The following TMCO1 variants were observed in gnomAD, a reference collection of about 807,000 sequenced individuals.
The protein encoded by TMCO1 is calcium load-activated calcium channel.
In TMCO1, 29 loss-of-function variants were observed where a neutral mutation model predicts 29.3. The ratio of observed to expected loss-of-function variants is 0.99; its 90% CI spans 0.74 to 1.35. The LOEUF is 1.35. TMCO1 is among the 40% of genes most tolerant of loss of function. TMCO1 has a pLI of 0.00. For synonymous variants in TMCO1, 80 were observed against 77.1 expected, an observed-to-expected ratio of 1.04 and a Z score of -0.20; for missense variants, 173 against 225.5, an observed-to-expected ratio of 0.77 and a Z score of 1.49.
chr1:165,725,006 CTCTCTCTCTCTCTCTCTCTATA>C (rs753517521), downstream of TMCO1: 2,313 of 279,970 alleles, frequency 8.3e-3, 59 homozygotes, highest in African/African-American at 0.075. Flanking sequence ...CTCTCTCTCT[CTCTCTCTCTCTCTCTCTCTATA>C]TATATATATA....
intron 6 of TMCO1, among the ~76,000 whole-genome samples, 188 bp from the exon 7 acceptor site, chr1:165,728,309 T>G (rs1035144554): frequency 1.3e-5 from 2 of 151,194 alleles, no homozygotes; most frequent in Admixed American, 6.6e-5. Context: ...CAGGCTGGAG[T>G]GCAGTGGAGC....
chr1:165,727,228 T>A lies in TMCO1; in HGVS notation c.*795A>T. The stretch of plus-strand genomic sequence containing the variant: ...ATCTAAGAGTGCCCCCACAAGAATC[T>A]GAGAGACTGTAATAGGATATGAAGA... On this transcript the variant is annotated 3_prime_UTR_variant, in exon 7 of 7. Coordinates refer to ENST00000367881, the MANE Select transcript of TMCO1 (RefSeq NM_019026.6). 1 of 453,866 alleles carries A rather than the reference T, an allele frequency of 2.2e-6. No individual in the cohort carries two copies. The highest frequency in any genetic ancestry group is 4.4e-6 in the Non-Finnish European group (1 of 226,724). The allele number at this position is 453,866 out of a possible 1,614,324, so 28.1% of individuals were successfully genotyped here.
chr1:165,728,167 CAGA>C (rs749040101), intron 6 of TMCO1, 46 bp from the exon 7 acceptor site: 3 of 1,479,404 alleles, frequency 2.0e-6, no homozygotes, highest in Admixed American at 3.4e-5. Context: ...ATCAAATATA[CAGA>C]AGATGTGTTT....
At chr1:165,748,870 T>C (rs1162146328) in intron 5 of TMCO1, among the ~76,000 whole-genome samples, 1 of 152,228 alleles carries the variant, frequency 6.6e-6, no homozygotes, top group Non-Finnish European at 1.5e-5. Context: ...TCCTAACTCC[T>C]GGCAACCATT....
rs1430488530 is a variant in TMCO1, at chr1:165,730,166, ACAC to A, written c.469-2048_469-2046del. ...GAAACCCCGTCTGTACTAAAAATAC[ACAC>A]ACACAAAAAAAAAAAAATTAGCCGG... On this transcript the variant is annotated intron_variant, in intron 6 of 6. Transcript: ENST00000367881. Among the ~76,000 whole-genome samples the A allele has an allele frequency of 5.6e-4, 16 of 28,652 alleles. 3 individuals carry two copies. Among genetic ancestry groups the A allele is most frequent in the Admixed American group, 7.2e-4 (2 of 2,768 alleles). 18.8% of individuals were successfully genotyped at this position (28,652 alleles called of 152,430 possible).
At chr1:165,724,588 G>C, downstream of TMCO1, 1 of 454,072 alleles carries the variant, frequency 2.2e-6, no homozygotes, top group Non-Finnish European at 4.4e-6. Context: ...CAGCTCTGGG[G>C]TGGGGCCCAG....
At chr1:165,762,816 CTTAG>C (rs1652442610) in intron 2 of TMCO1, among the ~76,000 whole-genome samples, 1 of 152,136 alleles carries the variant, frequency 6.6e-6, no homozygotes, top group Non-Finnish European at 1.5e-5. Flanking sequence ...GCAATTTATA[CTTAG>C]TAAGTGCTCT....
At chr1:165,766,486 G>A (rs899963242) in intron 2 of TMCO1, among the ~76,000 whole-genome samples, 3 of 152,156 alleles carry the variant, frequency 2.0e-5, no homozygotes, top group Non-Finnish European at 1.5e-5. Context: ...CAAGTAAATT[G>A]CAGAAGAATG....
chr1:165,736,253 A>G (rs1055778433), intron 6 of TMCO1, among the ~76,000 whole-genome samples: 1 of 152,248 alleles, frequency 6.6e-6, no homozygotes, highest in African/African-American at 2.4e-5. Flanking sequence ...TTGTTATAGT[A>G]GCCCTAATGG....
At chr1:165,736,501 C>T (rs1571213056) in intron 6 of TMCO1, among the ~76,000 whole-genome samples, 1 of 152,066 alleles carries the variant, frequency 6.6e-6, no homozygotes, top group Non-Finnish European at 1.5e-5. Flanking sequence ...GTGGATCACC[C>T]GAGGTCAGGT....
At chr1:165,764,440 G>A (rs1652500969) in intron 2 of TMCO1, among the ~76,000 whole-genome samples, 1 of 152,204 alleles carries the variant, frequency 6.6e-6, no homozygotes, top group South Asian at 2.1e-4. Flanking sequence ...GGAGAGGTAT[G>A]TGGATAAATC....
At chr1:165,762,547 A>T (rs1209324764) in intron 2 of TMCO1, among the ~76,000 whole-genome samples, 1 of 152,158 alleles carries the variant, frequency 6.6e-6, no homozygotes, top group African/African-American at 2.4e-5. Context: ...GGATAAATTA[A>T]TCTAATGTTT....
chr1:165,753,833 A>G (rs190184556), intron 4 of TMCO1, among the ~76,000 whole-genome samples: 19 of 152,166 alleles, frequency 1.2e-4, no homozygotes, highest in African/African-American at 4.3e-4. Context: ...AAGAAAAAAG[A>G]ACACAAGACA....
chr1:165,743,782 A>G (rs1651689556), intron 5 of TMCO1, among the ~76,000 whole-genome samples: 1 of 151,904 alleles, frequency 6.6e-6, no homozygotes, highest in Non-Finnish European at 1.5e-5. Context: ...ATATCTTTAT[A>G]TATAAGTTAT....
At chr1:165,758,688 T>G (rs1652286829) in intron 3 of TMCO1, among the ~76,000 whole-genome samples, 2 of 152,320 alleles carry the variant, frequency 1.3e-5, no homozygotes, top group Admixed American at 1.3e-4. Flanking sequence ...ATAGAATCTT[T>G]TTCTACTTTG....
chr1:165,748,692 G>T (rs1651891616), intron 5 of TMCO1, among the ~76,000 whole-genome samples: 1 of 152,224 alleles, frequency 6.6e-6, no homozygotes, highest in African/African-American at 2.4e-5. Context: ...TTGGTTCCAA[G>T]TGAGTTTCAA....
Position 165,763,623 on chromosome 1 carries a change from T to G in TMCO1, c.149-4039A>C, listed in dbSNP as rs549487388. 2.0e-5 allele frequency among the ~76,000 whole-genome samples: 3 copies of G among 152,250 alleles called. 1 individual carries two copies. The South Asian group carries it at 6.2e-4, about 32-fold the overall frequency. On this transcript the variant is annotated intron_variant, in intron 2 of 6. Coordinates refer to ENST00000367881, the MANE Select transcript of TMCO1 (RefSeq NM_019026.6). ...TAAACTGGCAAATGTATTACTTTGT[T>G]TCATTTTTGTTAGAGATTGGGTCTC...
rs536139780 is a variant in TMCO1, at chr1:165,758,682, A to C, written c.208+843T>G. ...CTCTAAATAGAGCTCATAAAAATAG[A>C]ATCTTTTTCTACTTTGTTTCTCCAA... On this transcript the variant is annotated intron_variant, in intron 3 of 6. Coordinates refer to ENST00000367881, the MANE Select transcript of TMCO1 (RefSeq NM_019026.6). Among the ~76,000 whole-genome samples the C allele has an allele frequency of 2.0e-5, 3 of 152,226 alleles. No individual in the cohort carries two copies. The South Asian group carries it at 6.2e-4, about 31-fold the overall frequency.
chr1:165,745,827 C>T (rs942396355), intron 5 of TMCO1, among the ~76,000 whole-genome samples: 10 of 152,066 alleles, frequency 6.6e-5, no homozygotes, highest in Admixed American at 6.6e-5. Context: ...TTTAAATGTA[C>T]AGGGTACAAA....
Sources: gnomAD v4.1 joint callset for allele counts (sites outside exome capture counted in the v4.1 genomes callset) on GRCh38, gnomAD v4.1.1 for gene constraint, MANE v1.5 for transcripts, NCBI Gene and HGNC (gene_info 2026-07-23, HGNC 2026-07-21) for gene names.